Variants in CDH4 observed in about 807,000 individuals in gnomAD.
CDH4 encodes the protein cadherin 4.
In CDH4, 33 loss-of-function variants were observed where a neutral mutation model predicts 86.0. The ratio of observed to expected loss-of-function variants is 0.38; its 90% confidence interval spans 0.29 to 0.51. The LOEUF (loss-of-function observed/expected upper bound fraction) is 0.51. Ranked by LOEUF, CDH4 falls within the 20% of genes least tolerant of loss-of-function variation. The pLI is 0.86. For synonymous variants in CDH4, 555 were observed against 549.4 expected (o/e 1.01, Z -0.14); for missense variants, 1,114 against 1,307.4 (o/e 0.85, Z 2.28).
At chr20:61,296,725 G>A (rs3974884) in intron 2 of CDH4, among the ~76,000 whole-genome samples, 86,598 of 151,988 alleles carry the variant, frequency 0.57, 25,531 homozygotes, top group Admixed American at 0.65. Context: ...TGGAAGGCCA[G>A]ACCCAGGCGT....
chr20:61,763,074 G>A (rs1165677913), intron 3 of CDH4, among the ~76,000 whole-genome samples: 2 of 152,240 alleles, frequency 1.3e-5, no homozygotes, highest in Non-Finnish European at 1.5e-5. Flanking sequence ...GCAGGACCTG[G>A]CCGCTGGGCG....
At chr20:61,298,639 C>T (rs985190916) in intron 2 of CDH4, among the ~76,000 whole-genome samples, 2 of 150,374 alleles carry the variant, frequency 1.3e-5, no homozygotes, top group African/African-American at 4.9e-5. Context: ...TTCTGAGACA[C>T]ACTCTGAGAC....
At chr20:61,888,934 C>A (rs537217237) in intron 7 of CDH4, among the ~76,000 whole-genome samples, 2 of 152,340 alleles carry the variant, frequency 1.3e-5, no homozygotes, top group East Asian at 3.9e-4. Flanking sequence ...CCACTGACCA[C>A]GCAGTGTGAC....
intron 11 of CDH4, among the ~76,000 whole-genome samples, chr20:61,925,942 G>C (rs2055040296): frequency 6.6e-6 from 1 of 152,216 alleles, no homozygotes. Flanking sequence ...ACTTACTGAT[G>C]CAGCCACCCC....
At chr20:61,317,285 A>G (rs1484164638) in intron 2 of CDH4, among the ~76,000 whole-genome samples, 1 of 152,078 alleles carries the variant, frequency 6.6e-6, no homozygotes, top group Admixed American at 6.6e-5. Flanking sequence ...ATCTTGGCTC[A>G]CTGCAAGCTC....
rs530752393 is a variant in CDH4 at position 61,254,704 on chromosome 20, G to A, written c.58-122G>A. The A allele has an allele frequency of 1.4e-3, 1,006 of 711,518 alleles. 3 individuals carry two copies. The highest frequency in any genetic ancestry group is 3.5e-3 in the South Asian group (217 of 61,190). The allele number at this position is 711,518 out of a possible 1,614,324, so 44.1% of individuals were successfully genotyped here. A position where few individuals can be genotyped will look rare whatever the true frequency, so the allele number is the denominator to read the frequency against. On this transcript the variant is annotated intron_variant, in intron 1 of 15. Coordinates refer to ENST00000614565, the MANE Select transcript of CDH4 (RefSeq NM_001794.5). ...CGGGGTATCGCGTCTGGGTGGAGAC[G>A]GTGGCCTGCCAGCCTTTCTCTCTTA...
At chr20:61,349,188 G>C (rs1361525984) in intron 2 of CDH4, among the ~76,000 whole-genome samples, 1 of 152,206 alleles carries the variant, frequency 6.6e-6, no homozygotes, top group Non-Finnish European at 1.5e-5. Context: ...CGATGGACAG[G>C]CTGGGTCATC....
At chr20:61,746,718 AG>A (rs1433744725) in intron 3 of CDH4, among the ~76,000 whole-genome samples, 1 of 152,242 alleles carries the variant, frequency 6.6e-6, no homozygotes, top group Non-Finnish European at 1.5e-5. Flanking sequence ...TCCCAGCCAA[AG>A]GGTGCTGGTA....
chr20:61,530,199 T>A (rs180918128), intron 2 of CDH4, among the ~76,000 whole-genome samples: 1 of 152,016 alleles, frequency 6.6e-6, no homozygotes, highest in African/African-American at 2.4e-5. Context: ...ACCCGGCTAA[T>A]TTTTGTATTT....
At chr20:61,431,369 T>C (rs1600972700) in intron 2 of CDH4, among the ~76,000 whole-genome samples, 1 of 150,966 alleles carries the variant, frequency 6.6e-6, no homozygotes, top group Admixed American at 6.6e-5. Flanking sequence ...GTTTTTTTTT[T>C]TTTTTTTTGA....
rs969731081 is a variant in CDH4 at position 61,323,350 on chromosome 20, G to A, written c.169+68413G>A. 1.4e-4 allele frequency among the ~76,000 whole-genome samples: 22 copies of A among 152,150 alleles called. 1 individual carries two copies. The highest frequency in any genetic ancestry group is 1.4e-3 in the Admixed American group (21 of 15,288). ...CATTTGTTCATCAGCCTGCCAGGAG[G>A]GGATGTTTGGGAAAGTCTTCATCGA... On this transcript the variant is annotated intron_variant, in intron 2 of 15. Coordinates refer to ENST00000614565, the MANE Select transcript of CDH4 (RefSeq NM_001794.5).
intron 3 of CDH4, among the ~76,000 whole-genome samples, chr20:61,757,699 G>A (rs775882387): frequency 1.3e-4 from 20 of 152,248 alleles, no homozygotes; most frequent in Non-Finnish European, 2.2e-4. Flanking sequence ...GACCTGGAAG[G>A]TGGCTTGGTG....
At chr20:61,569,046 G>T (rs1163592879) in intron 2 of CDH4, among the ~76,000 whole-genome samples, 3 of 152,184 alleles carry the variant, frequency 2.0e-5, no homozygotes, top group Non-Finnish European at 4.4e-5. Flanking sequence ...TGGGTCATGG[G>T]GGCAGCAAGC....
chr20:61,539,484 T>C (rs1487164743), intron 2 of CDH4, among the ~76,000 whole-genome samples: 2 of 152,216 alleles, frequency 1.3e-5, no homozygotes. Flanking sequence ...TGTGTGTGTG[T>C]CTGTGTCCTC....
At chr20:61,651,775 A>C (rs915109532) in intron 2 of CDH4, among the ~76,000 whole-genome samples, 5 of 152,192 alleles carry the variant, frequency 3.3e-5, no homozygotes, top group Non-Finnish European at 7.3e-5. Context: ...TATCTTTCTC[A>C]GGATTCTCTC....
At chr20:61,589,893 GA>G (rs2086505311) in intron 2 of CDH4, among the ~76,000 whole-genome samples, 1 of 151,870 alleles carries the variant, frequency 6.6e-6, no homozygotes, top group Non-Finnish European at 1.5e-5. Context: ...GACAAACAGA[GA>G]ACAGATAATC....
chr20:61,745,540 C>T lies in CDH4; in HGVS notation c.396+1751C>T, dbSNP rs554096406. 6.6e-5 allele frequency among the ~76,000 whole-genome samples: 10 copies of T among 152,228 alleles called. 1 individual carries two copies. The highest frequency in any genetic ancestry group is 2.2e-4 in the African/African-American group (9 of 41,546). ...GTGTGTTAAACCAAGCAGCAGAGCA[C>T]GCCTCTAACGGCAGTGGCCCCCAAA... On this transcript the variant is annotated intron_variant, in intron 3 of 15. Transcript: ENST00000614565.
intron 4 of CDH4, among the ~76,000 whole-genome samples, chr20:61,793,829 A>G (rs1979360681): frequency 7.9e-6 from 1 of 126,412 alleles, no homozygotes; most frequent in African/African-American, 3.1e-5. Flanking sequence ...ACAGAGTGAG[A>G]CTGCATTTAA....
intron 2 of CDH4, among the ~76,000 whole-genome samples, chr20:61,430,148 C>T (rs2085238377): frequency 2.0e-5 from 3 of 152,234 alleles, no homozygotes; most frequent in Admixed American, 2.0e-4. Context: ...AGACATAAAG[C>T]TCTCCAGTGC....
Sources: allele counts gnomAD v4.1 joint callset (sites outside exome capture counted in the v4.1 genomes callset), GRCh38; gene constraint gnomAD v4.1.1; transcripts MANE v1.5; gene names NCBI Gene and HGNC (gene_info 2026-07-23, HGNC 2026-07-21).